BMAL1: variants seen among roughly 807,000 people sequenced by gnomAD.
BMAL1 encodes the protein basic helix-loop-helix ARNT-like protein 1.
the BMAL1 span, among the ~76,000 whole-genome samples, chr11:13,385,332 A>G: frequency 1.2e-4 from 18 of 152,326 alleles, no homozygotes; most frequent in Admixed American, 9.1e-4. Context: ...ATCTGTCACT[A>G]TAAGATGTTT....
chr11:13,276,922 C>G, the BMAL1 span: 1 of 152,212 alleles, frequency 6.6e-6, no homozygotes, highest in Non-Finnish European at 1.5e-5. Context: ...AGCGCTGCCG[C>G]GGGGCTGGTG....
chr11:13,328,454 C>T, the BMAL1 span, among the ~76,000 whole-genome samples: 2 of 152,134 alleles, frequency 1.3e-5, no homozygotes, highest in African/African-American at 4.8e-5. Context: ...GGAACATTTC[C>T]AGTGAACCGT....
chr11:13,317,193 GT>G, the BMAL1 span, among the ~76,000 whole-genome samples: 1 of 152,142 alleles, frequency 6.6e-6, no homozygotes, highest in Non-Finnish European at 1.5e-5. Flanking sequence ...CAGATATAAA[GT>G]CTAAAATGCA....
the BMAL1 span, among the ~76,000 whole-genome samples, chr11:13,287,023 T>C: frequency 2.6e-5 from 4 of 152,118 alleles, no homozygotes; most frequent in Non-Finnish European, 4.4e-5. Flanking sequence ...AGGTTTTTGC[T>C]CCAAAGAAGA....
the BMAL1 span, among the ~76,000 whole-genome samples, chr11:13,287,314 G>A: frequency 6.6e-6 from 1 of 152,214 alleles, no homozygotes; most frequent in African/African-American, 2.4e-5. Context: ...TTGGTCAGTT[G>A]TGAATGGTGT....
the BMAL1 span, among the ~76,000 whole-genome samples, chr11:13,330,822 C>G: frequency 3.9e-5 from 6 of 152,236 alleles, no homozygotes; most frequent in African/African-American, 1.4e-4. Context: ...CTGTGCCACT[C>G]AAAGGCGCAG....
chr11:13,336,418 T>G, the BMAL1 span, among the ~76,000 whole-genome samples: 28 of 152,240 alleles, frequency 1.8e-4, no homozygotes, highest in Non-Finnish European at 2.6e-4. Flanking sequence ...CACCTCGGCC[T>G]GAGTCAGACT....
chr11:13,309,326 A>G, the BMAL1 span, among the ~76,000 whole-genome samples: 1 of 152,118 alleles, frequency 6.6e-6, no homozygotes, highest in Non-Finnish European at 1.5e-5. Context: ...CTGAGACTGC[A>G]GCCGGGCCAG....
chr11:13,355,029 T>TTA, the BMAL1 span: 1 of 437,432 alleles, frequency 2.3e-6, no homozygotes, highest in Non-Finnish European at 4.1e-6. Context: ...ATTTTCACAC[T>TTA]TACAGTCATC....
At chr11:13,299,921 C>T in the BMAL1 span, among the ~76,000 whole-genome samples, 2 of 152,182 alleles carry the variant, frequency 1.3e-5, no homozygotes, top group African/African-American at 4.8e-5. Flanking sequence ...GGTGGCCACA[C>T]TGGAGAGGAC....
chr11:13,304,192 G>A, the BMAL1 span, among the ~76,000 whole-genome samples: 1 of 152,168 alleles, frequency 6.6e-6, no homozygotes, highest in Non-Finnish European at 1.5e-5. Context: ...AGTGGACTGA[G>A]GGAGCAAGGG....
chr11:13,337,946 TTAA>T, the BMAL1 span, among the ~76,000 whole-genome samples: 30 of 152,320 alleles, frequency 2.0e-4, no homozygotes, highest in African/African-American at 7.2e-4. Flanking sequence ...CCTCTCACAA[TTAA>T]TTAGTTCTTC....
the BMAL1 span, among the ~76,000 whole-genome samples, chr11:13,290,559 A>ATATTATTAT: frequency 6.4e-3 from 950 of 149,028 alleles, 12 homozygotes; most frequent in African/African-American, 0.022. Flanking sequence ...ACAAGTGTAT[A>ATATTATTAT]TATTATTATT....
At chr11:13,335,697 T>C in the BMAL1 span, among the ~76,000 whole-genome samples, 16 of 152,216 alleles carry the variant, frequency 1.1e-4, no homozygotes, top group African/African-American at 3.9e-4. Flanking sequence ...ATATACTGAA[T>C]TTTCTGCGAA....
At chr11:13,356,726 TTTG>T in the BMAL1 span, 8 of 1,613,996 alleles carry the variant, frequency 5.0e-6, 1 homozygote, top group Admixed American at 8.3e-5. Flanking sequence ...CACATTCTCT[TTTG>T]TTTTTTCAGA....
chr11:13,370,718 C>T, the BMAL1 span, among the ~76,000 whole-genome samples: 4 of 152,358 alleles, frequency 2.6e-5, no homozygotes, highest in South Asian at 8.3e-4. Flanking sequence ...CACATGCTCC[C>T]CACCCCCAAC....
the BMAL1 span, among the ~76,000 whole-genome samples, chr11:13,343,126 G>C: frequency 6.6e-6 from 1 of 152,168 alleles, no homozygotes; most frequent in African/African-American, 2.4e-5. Context: ...CAGGCTAAAT[G>C]TTGTGCCCAA....
chr11:13,335,847 A>C, the BMAL1 span, among the ~76,000 whole-genome samples: 1 of 152,062 alleles, frequency 6.6e-6, no homozygotes, highest in African/African-American at 2.4e-5. Flanking sequence ...TTTTAACTAT[A>C]TTTCCTTTCT....
At chr11:13,365,236 T>TA in the BMAL1 span, among the ~76,000 whole-genome samples, 1 of 151,476 alleles carries the variant, frequency 6.6e-6, no homozygotes, top group Non-Finnish European at 1.5e-5. Context: ...AAATATAACT[T>TA]ACTTTAATTG....
Sources: gnomAD v4.1 joint callset for allele counts (sites outside exome capture counted in the v4.1 genomes callset) on GRCh38, gnomAD v4.1.1 for gene constraint, MANE v1.5 for transcripts, NCBI Gene and HGNC (gene_info 2026-07-23, HGNC 2026-07-21) for gene names.